The following IQSEC1 variants were observed in gnomAD, a reference collection of about 807,000 sequenced individuals.
IQSEC1 encodes the protein IQ motif and SEC7 domain-containing protein 1.
In IQSEC1, 31 loss-of-function variants were observed where a neutral mutation model predicts 91.0. That is an observed-to-expected ratio of 0.34 (90% CI 0.26 to 0.46). IQSEC1 has a LOEUF of 0.46. Among genes scored for constraint, IQSEC1 ranks in the 20% least tolerant of loss-of-function variants. The pLI is 1.00. For missense variants in IQSEC1, 1,388 were observed against 1,575.6 expected (o/e 0.88, Z 2.02); for synonymous variants, 699 against 662.6 (o/e 1.05, Z -0.84).
At chr3:13,248,217 G>A (rs1489222088) in intron 1 of IQSEC1, among the ~76,000 whole-genome samples, 2 of 152,210 alleles carry the variant, frequency 1.3e-5, no homozygotes, top group Non-Finnish European at 2.9e-5. Context: ...AAGGCCACTG[G>A]AAATCCAGCA....
At chr3:12,993,500 T>G in intron 1 of IQSEC1, among the ~76,000 whole-genome samples, 1 of 133,810 alleles carries the variant, frequency 7.5e-6, no homozygotes, top group East Asian at 2.1e-4. Flanking sequence ...AGCAGGGTAG[T>G]GCGGAGTCGG....
At chr3:13,093,051 A>C (rs1454938687) in intron 2 of IQSEC1, among the ~76,000 whole-genome samples, 1 of 151,476 alleles carries the variant, frequency 6.6e-6, no homozygotes, top group Non-Finnish European at 1.5e-5. Flanking sequence ...GCAACATCTC[A>C]GTACTTGGGA....
intron 1 of IQSEC1, among the ~76,000 whole-genome samples, chr3:13,210,015 C>T (rs1411533488): frequency 2.6e-5 from 4 of 152,158 alleles, no homozygotes; most frequent in African/African-American, 9.7e-5. Context: ...ATGTCATAGG[C>T]TCACTGTGTG....
At chr3:13,068,198 T>C (rs974049646) in intron 1 of IQSEC1, among the ~76,000 whole-genome samples, 1 of 152,230 alleles carries the variant, frequency 6.6e-6, no homozygotes, top group Non-Finnish European at 1.5e-5. Context: ...AGGGAGGATG[T>C]GGATGTCGGA....
rs1439853678 is a variant in IQSEC1 at position 13,283,000 on chromosome 3, C to T, written c.-18G>A. Among the ~76,000 whole-genome samples the T allele has an allele frequency of 6.9e-6, 1 of 145,566 alleles. No homozygotes were observed. Among genetic ancestry groups the T allele is most frequent in the East Asian group, 2.0e-4 (1 of 5,000 alleles). On this transcript the variant is annotated 5_prime_UTR_variant, in exon 1 of 16. Transcript: ENST00000648114. This position sits in a 1 kb window ranked among gnomAD's most constrained non-coding sequence, Gnocchi z 6.4. ...CTGGCCATGGCCCCCCGCCCGGAGG[C>T]CGGCCGCGCCTCAGGCGAGCGGGCG...
At chr3:13,026,010 G>C (rs1254592967) in intron 1 of IQSEC1, among the ~76,000 whole-genome samples, 2 of 152,238 alleles carry the variant, frequency 1.3e-5, no homozygotes, top group African/African-American at 2.4e-5. Context: ...ACATGCCCCA[G>C]TCTGCTCTGG....
intron 1 of IQSEC1, chr3:13,022,121 G>C: frequency 8.1e-7 from 1 of 1,231,770 alleles, no homozygotes; most frequent in Non-Finnish European, 1.0e-6. Context: ...GTGGAGGAGC[G>C]AGTGGCCAAG....
chr3:12,911,804 A>AG lies in IQSEC1; in HGVS notation c.2317-77_2317-76insC. ...ACTATGTGGGACCTCTGGTCAGAGGATCCTCCTGGAGTTCAAAGTCAGGAG... is the reference window on the plus strand; with the variant it reads ...ACTATGTGGGACCTCTGGTCAGAGGAGTCCTCCTGGAGTTCAAAGTCAGGAG... On this transcript the variant is annotated intron_variant, in intron 9 of 13. Coordinates refer to ENST00000613206, the MANE Select transcript of IQSEC1 (RefSeq NM_001134382.3). 4.0e-6 allele frequency: 4 copies of AG among 1,004,384 alleles called. No individual in the cohort carries two copies. In the South Asian group the frequency reaches 5.2e-5, roughly 13 times the overall value. 62.2% of individuals were successfully genotyped at this position (1,004,384 alleles called of 1,614,324 possible).
At chr3:13,222,840 G>A (rs1429990119) in intron 1 of IQSEC1, among the ~76,000 whole-genome samples, 1 of 152,218 alleles carries the variant, frequency 6.6e-6, no homozygotes, top group African/African-American at 2.4e-5. Flanking sequence ...TAGGGCTGCT[G>A]AGGAACTGCT....
intron 2 of IQSEC1, among the ~76,000 whole-genome samples, chr3:13,114,367 G>A (rs1405136873): frequency 6.6e-6 from 1 of 152,238 alleles, no homozygotes. Context: ...GGGGACACAG[G>A]TGAATGTTCC....
chr3:13,105,665 C>A (rs1271632071), intron 2 of IQSEC1, among the ~76,000 whole-genome samples: 1 of 152,144 alleles, frequency 6.6e-6, no homozygotes, highest in Non-Finnish European at 1.5e-5. Flanking sequence ...CCCCTAGAGC[C>A]ATTCTCCCTC....
At chr3:12,966,507 G>A (rs1480436710) in intron 1 of IQSEC1, among the ~76,000 whole-genome samples, 1 of 152,170 alleles carries the variant, frequency 6.6e-6, no homozygotes, top group Admixed American at 6.5e-5. Flanking sequence ...GGCCATCGCA[G>A]AGAGGAAATC....
intron 1 of IQSEC1, chr3:13,021,930 G>A (rs1703416797): frequency 5.5e-6 from 4 of 731,330 alleles, no homozygotes; most frequent in South Asian, 7.1e-5. Flanking sequence ...AGTTGCTCCA[G>A]CTCCCTCCAT....
intron 2 of IQSEC1, among the ~76,000 whole-genome samples, chr3:13,149,959 T>C (rs1706967104): frequency 6.6e-6 from 1 of 152,106 alleles, no homozygotes; most frequent in Non-Finnish European, 1.5e-5. Context: ...GAGGCAAGGG[T>C]GACAAACAGT....
chr3:12,900,440 C>CT lies in IQSEC1; in HGVS notation c.*542dup. ...AACGCCTGCCTTTCACACACAAGTA[C>CT]TACCTATACAGTATATATATATATA... On this transcript the variant is annotated 3_prime_UTR_variant, in exon 14 of 14. Coordinates refer to ENST00000613206, the MANE Select transcript of IQSEC1 (RefSeq NM_001134382.3). 1 of 854,910 alleles carries CT rather than the reference C, an allele frequency of 1.2e-6. No homozygotes were observed. 53.0% of individuals were successfully genotyped at this position (854,910 alleles called of 1,614,324 possible).
chr3:13,112,964 T>C (rs1016417488), intron 2 of IQSEC1, among the ~76,000 whole-genome samples: 31 of 152,232 alleles, frequency 2.0e-4, no homozygotes, highest in African/African-American at 7.5e-4. Flanking sequence ...TCTGCTGTGA[T>C]TAAAAAGCGG....
intron 1 of IQSEC1, among the ~76,000 whole-genome samples, chr3:13,263,435 G>GAAAAAGTACCTGACACTTTTTTTTTTTT (rs1559288981): frequency 6.9e-5 from 9 of 130,424 alleles, no homozygotes; most frequent in African/African-American, 1.6e-4. Flanking sequence ...TTTGGGGGGG[G>GAAAAAGTACCTGACACTTTTTTTTTTTT]GGGGAAAGTA....
At chr3:13,044,501 C>A (rs547268129) in intron 1 of IQSEC1, among the ~76,000 whole-genome samples, 4 of 152,182 alleles carry the variant, frequency 2.6e-5, no homozygotes, top group African/African-American at 7.2e-5. Flanking sequence ...TCGGGGAGTG[C>A]GAGGCCAGAG....
intron 6 of IQSEC1, among the ~76,000 whole-genome samples, chr3:12,916,732 A>G (rs1439126017): frequency 6.6e-6 from 1 of 152,246 alleles, no homozygotes; most frequent in Non-Finnish European, 1.5e-5. Flanking sequence ...CCAAATGGCA[A>G]AAGGCTGGAA....
Sources: allele counts gnomAD v4.1 joint callset (sites outside exome capture counted in the v4.1 genomes callset), GRCh38; gene constraint gnomAD v4.1.1; non-coding constraint Gnocchi (gnomAD v3.1); transcripts MANE v1.5; gene names NCBI Gene and HGNC (gene_info 2026-07-23, HGNC 2026-07-21).